TMCO5A: variants seen among roughly 807,000 people sequenced by gnomAD.
The protein encoded by TMCO5A is transmembrane and coiled-coil domain-containing protein 5A.
In TMCO5A, 34 loss-of-function variants were observed where a neutral mutation model predicts 42.3. The observed-to-expected ratio is 0.80, with a 90% CI of 0.61 to 1.07. The LOEUF (loss-of-function observed/expected upper bound fraction) is 1.07, where lower values mean the gene tolerates loss of function less well. TMCO5A is among the 50% of genes least tolerant of loss of function. The pLI is 0.00. For synonymous variants in TMCO5A, 131 were observed against 115.6 expected (o/e 1.13, Z -0.86); for missense variants, 357 against 327.9 (o/e 1.09, Z -0.69).
chr15:37,943,273 A>G, intron 9 of TMCO5A, 68 bp from the exon 10 acceptor site: 2 of 1,465,802 alleles, frequency 1.4e-6, no homozygotes, highest in Non-Finnish European at 9.4e-7. Flanking sequence ...TTTTTAAAAT[A>G]ACCATAGTGT....
At chr15:38,007,941 G>A in the TMCO5A span, among the ~76,000 whole-genome samples, 1 of 128,146 alleles carries the variant, frequency 7.8e-6, no homozygotes, top group Non-Finnish European at 1.6e-5. Flanking sequence ...TGTTGCCCAG[G>A]CTGGAGTGCA....
the TMCO5A span, among the ~76,000 whole-genome samples, chr15:38,012,612 C>T: frequency 6.6e-5 from 10 of 152,022 alleles, no homozygotes; most frequent in Non-Finnish European, 1.2e-4. Flanking sequence ...TTCTCAAATA[C>T]ACAATATGTA....
chr15:37,965,824 A>G (rs558069111), intron 11 of TMCO5A, among the ~76,000 whole-genome samples: 106 of 152,334 alleles, frequency 7.0e-4, no homozygotes, highest in Admixed American at 1.2e-3. Flanking sequence ...AGTTAGTACA[A>G]CCACTATGGA....
intron 11 of TMCO5A, among the ~76,000 whole-genome samples, chr15:37,966,367 G>T (rs1380400255): frequency 4.6e-5 from 7 of 151,792 alleles, no homozygotes. Context: ...ATACATTTTT[G>T]AATAACTAAG....
Position 37,943,353 on chromosome 15 carries a change from G to T in TMCO5A, c.582G>T (p.Val194=). 6.2e-7 allele frequency: 1 copy of T among 1,612,252 alleles called. No homozygotes were observed. Among genetic ancestry groups the T allele is most frequent in the South Asian group, 1.1e-5 (1 of 91,000 alleles). Residue 194 remains valine (V), a synonymous_variant, in exon 10 of 12, where the codon GTG becomes GTT. Coordinates refer to ENST00000319669, the MANE Select transcript of TMCO5A (RefSeq NM_152453.4). ...GTTATCTTCATAGATCAAAACTCGT[G>T]AGCATGAACCCTGTGGAAAAAGAGC... ...LFLEREVSKL[V]SMNPVEKEHT...
At chr15:37,985,498 A>G in the TMCO5A span, among the ~76,000 whole-genome samples, 1 of 152,210 alleles carries the variant, frequency 6.6e-6, no homozygotes, top group Admixed American at 6.5e-5. Flanking sequence ...AATTTCTTAA[A>G]GTACTGTGGA....
At chr15:37,963,059 G>A (rs1190104468) in intron 11 of TMCO5A, among the ~76,000 whole-genome samples, 1 of 151,926 alleles carries the variant, frequency 6.6e-6, no homozygotes, top group East Asian at 1.9e-4. Context: ...ATTTAGTTCT[G>A]CTCTGATCTT....
chr15:37,953,623 GACTACAATAA>G (rs1329937982), downstream of TMCO5A, among the ~76,000 whole-genome samples: 4 of 151,946 alleles, frequency 2.6e-5, no homozygotes, highest in Non-Finnish European at 5.9e-5. Flanking sequence ...AGATTGAGAA[GACTACAATAA>G]ATGCCTAACT....
the TMCO5A span, among the ~76,000 whole-genome samples, chr15:38,002,922 G>A: frequency 6.6e-6 from 1 of 152,046 alleles, no homozygotes; most frequent in East Asian, 1.9e-4. Context: ...AGATGTTTGT[G>A]GGTGTCTGGA....
chr15:37,993,820 T>C, the TMCO5A span, among the ~76,000 whole-genome samples: 1 of 152,100 alleles, frequency 6.6e-6, no homozygotes, highest in Non-Finnish European at 1.5e-5. Context: ...TGGGTACGGA[T>C]GTGTTGCCTG....
At chr15:37,948,795 T>A (rs763259498) in intron 11 of TMCO5A, among the ~76,000 whole-genome samples, 18 of 152,086 alleles carry the variant, frequency 1.2e-4, no homozygotes, top group Non-Finnish European at 2.5e-4. Flanking sequence ...GCTAGGCTAC[T>A]CCTAGGATTT....
chr15:38,005,383 C>A, the TMCO5A span, among the ~76,000 whole-genome samples: 1 of 141,488 alleles, frequency 7.1e-6, no homozygotes, highest in African/African-American at 2.7e-5. Context: ...CACAGCAAGA[C>A]CCCATCTCTA....
chr15:37,946,846 C>A (rs1889981895), intron 10 of TMCO5A, among the ~76,000 whole-genome samples: 3 of 152,078 alleles, frequency 2.0e-5, no homozygotes, highest in Non-Finnish European at 4.4e-5. Flanking sequence ...GCCTTTATTT[C>A]TTTCTCTTTA....
At chr15:37,966,747 G>T (rs2140824979) in exon 12 of TMCO5A, 3 of 701,718 alleles carry the variant, frequency 4.3e-6, no homozygotes, top group Non-Finnish European at 7.8e-6. Flanking sequence ...TCCAGAAAAG[G>T]TCATAAACTG....
intron 11 of TMCO5A, among the ~76,000 whole-genome samples, chr15:37,962,415 T>C (rs1890452979): frequency 6.6e-6 from 1 of 152,216 alleles, no homozygotes; most frequent in Non-Finnish European, 1.5e-5. Flanking sequence ...ATTATCTTTT[T>C]GATATGTTGT....
chr15:37,988,069 A>G, the TMCO5A span, among the ~76,000 whole-genome samples: 2 of 151,600 alleles, frequency 1.3e-5, no homozygotes, highest in East Asian at 3.9e-4. Flanking sequence ...TTTCTCTTTT[A>G]CTTTCTAGGT....
chr15:37,955,930 G>A (rs1185999978), downstream of TMCO5A, among the ~76,000 whole-genome samples: 1 of 152,066 alleles, frequency 6.6e-6, no homozygotes. Flanking sequence ...TAGAACTCAG[G>A]ATTAAGAAAG....
At chr15:38,008,256 A>C in the TMCO5A span, among the ~76,000 whole-genome samples, 1 of 152,124 alleles carries the variant, frequency 6.6e-6, no homozygotes, top group Non-Finnish European at 1.5e-5. Context: ...ATTGCTGAAG[A>C]AATTCGTCAG....
At chr15:37,964,976 A>G (rs969576995) in intron 11 of TMCO5A, among the ~76,000 whole-genome samples, 2 of 152,220 alleles carry the variant, frequency 1.3e-5, no homozygotes, top group African/African-American at 4.8e-5. Flanking sequence ...AGGAAAAAGA[A>G]TAAAACAGGA....
Sources: gnomAD v4.1 joint callset for allele counts (sites outside exome capture counted in the v4.1 genomes callset) on GRCh38, gnomAD v4.1.1 for gene constraint, MANE v1.5 for transcripts, NCBI Gene and HGNC (gene_info 2026-07-23, HGNC 2026-07-21) for gene names.